MYO15A: variants seen among roughly 807,000 people sequenced by gnomAD.
MYO15A encodes the protein myosin XVA, also known as unconventional myosin-XV.
In MYO15A, 308 loss-of-function variants were observed where a neutral mutation model predicts 394.6. That is an observed-to-expected ratio of 0.78 (90% CI 0.71 to 0.86). The LOEUF (loss-of-function observed/expected upper bound fraction) is 0.86, where lower values mean the gene tolerates loss of function less well. Ranked by LOEUF, MYO15A falls within the 40% of genes least tolerant of loss-of-function variation. MYO15A has a pLI of 0.00. For missense variants in MYO15A, 4,606 were observed against 4,799.1 expected (o/e 0.96, Z 1.19); for synonymous variants, 1,957 against 2,003.8 (o/e 0.98, Z 0.62).
chr17:18,160,636 A>G (rs1015278143), intron 56 of MYO15A: 1 of 194,758 alleles, frequency 5.1e-6, no homozygotes, highest in Non-Finnish European at 1.1e-5. Flanking sequence ...CGGTGTTCAC[A>G]TTGACCAAAC....
chr17:18,150,467 A>AG lies in MYO15A; in HGVS notation c.7256dup (p.Gly2420ArgfsTer9). The AG allele has an allele frequency of 6.2e-7, 1 of 1,614,146 alleles. No individual in the cohort carries two copies. Among genetic ancestry groups the AG allele is most frequent in the South Asian group, 1.1e-5 (1 of 91,078 alleles). On this transcript the variant is annotated frameshift_variant, in exon 36 of 66. Coordinates refer to ENST00000647165, the MANE Select transcript of MYO15A (RefSeq NM_016239.4). LOFTEE classifies it high-confidence loss of function. This position sits in a 1 kb window ranked among gnomAD's most constrained non-coding sequence, Gnocchi z 4.4. ...CAACAGCCATTGCCTACCGCATGAAAGGGGGAGGCCAGCCCGGTGGAGGCA... is the reference window on the plus strand; with the variant it reads ...CAACAGCCATTGCCTACCGCATGAAAGGGGGGAGGCCAGCCCGGTGGAGGCA...
intron 28 of MYO15A, 132 bp downstream of exon 28, chr17:18,144,132 A>G (rs1037420104): frequency 2.1e-6 from 3 of 1,423,014 alleles, no homozygotes; most frequent in Admixed American, 3.9e-5. Context: ...TAGTTGCTGG[A>G]TCATAGGGAA....
Position 18,120,773 on chromosome 17 carries a change from G to A in MYO15A, c.1973G>A (p.Ser658Asn), listed in dbSNP as rs1250798445. ...GCGCCCAGGACCCTCTCCCACTGGA[G>A]CGCGCTCCTGTCTCCGCCCGTGCCC... ...QPAPRTLSHW[S>N]ALLSPPVPPR... Residue 658 changes from serine (S) to asparagine (N), a missense_variant, in exon 2 of 66, where the codon AGC becomes AAC. Physicochemically the swap from Ser to Asn is conservative, Grantham distance 46. Coordinates refer to ENST00000647165, the MANE Select transcript of MYO15A (RefSeq NM_016239.4). The A allele has an allele frequency of 3.5e-6, 5 of 1,426,536 alleles. No homozygotes were observed. Among genetic ancestry groups the A allele is most frequent in the African/African-American group, 3.1e-5 (2 of 65,352 alleles). The allele number at this position is 1,426,536 out of a possible 1,614,324, so 88.4% of individuals were successfully genotyped here.
At chr17:18,166,678 G>C (rs950635224) in intron 61 of MYO15A, among the ~76,000 whole-genome samples, 157 bp downstream of exon 61, 7 of 152,174 alleles carry the variant, frequency 4.6e-5, no homozygotes, top group African/African-American at 1.7e-4. Context: ...GGTCTCTTTG[G>C]AGAAATCGAA....
rs773729617 is a variant in MYO15A at position 18,119,288 on chromosome 17, C to T, written c.488C>T (p.Ser163Leu). ...QATVDAWLQR[S>L]SSRMGSRKLP... ...ACAGTGGACGCCTGGCTGCAGCGCT[C>T]GAGCTCCCGCATGGGCTCCCGCAAA... is the stretch of plus-strand genomic sequence containing the variant. Residue 163 changes from serine to leucine, a missense_variant, in exon 2 of 66, where the codon TCG (serine) becomes TTG (leucine). Physicochemically the swap from Ser to Leu is moderately radical, Grantham distance 145. Around this residue, in one of 2 missense-constraint regions of MYO15A, gnomAD observed 1,830 missense variants for 1,689.7 expected, o/e 1.08. Coordinates refer to ENST00000647165, the MANE Select transcript of MYO15A (RefSeq NM_016239.4). The T allele has an allele frequency of 6.2e-7, 1 of 1,611,726 alleles. No individual in the cohort carries two copies. The highest frequency in any genetic ancestry group is 1.7e-5 in the Admixed American group (1 of 60,016).
intron 4 of MYO15A, among the ~76,000 whole-genome samples, chr17:18,125,885 G>T (rs554878347): frequency 6.6e-6 from 1 of 152,224 alleles, no homozygotes; most frequent in South Asian, 2.1e-4. Context: ...AGGGGTCAGA[G>T]GGGAGCCTCT....
chr17:18,160,737 G>T (rs1413882945), intron 56 of MYO15A: 1 of 207,130 alleles, frequency 4.8e-6, no homozygotes, highest in African/African-American at 2.3e-5. Context: ...CCAGACACCA[G>T]ATATCCCTAC....
rs1250303762 is a variant in MYO15A at position 18,172,247 on chromosome 17, C to T, written c.10307C>T (p.Ala3436Val). The T allele has an allele frequency of 6.2e-7, 1 of 1,614,236 alleles. No individual in the cohort carries two copies. The highest frequency in any genetic ancestry group is 8.5e-7 in the Non-Finnish European group (1 of 1,180,046). ...GCTGTGCCAGCCCCTTGCATCCTTG[C>T]CATCAACCACAATGGCCTCAACTTT... ...NIAVPAPCIL[A>V]INHNGLNFLS... Residue 3436 changes from alanine (A) to valine (V), a missense_variant, in exon 64 of 66, where the codon GCC (alanine) becomes GTC (valine). By Grantham distance (64) the Ala-to-Val change is moderately conservative. Transcript: ENST00000647165.
chr17:18,115,444 C>A (rs1305268445), intron 1 of MYO15A, among the ~76,000 whole-genome samples: 3 of 152,132 alleles, frequency 2.0e-5, no homozygotes, highest in Non-Finnish European at 1.5e-5. Flanking sequence ...CATGGTGAAA[C>A]CCTGTCTCTA....
At chr17:18,122,436 G>T (rs560099324) in intron 2 of MYO15A, 27 bp downstream of exon 2, 2 of 1,604,358 alleles carry the variant, frequency 1.2e-6, no homozygotes, top group African/African-American at 2.7e-5. Flanking sequence ...TACACGGAGG[G>T]TTTGAGGGTT....
Position 18,151,496 on chromosome 17 carries a change from C to G in MYO15A, c.7756C>G (p.Pro2586Ala). ...GAATATTGTCAGGCAGTACCAGCAGCCGTTCCGGGGAGGCCGGCCTGAGGC... is the reference window on the plus strand; with the variant it reads ...GAATATTGTCAGGCAGTACCAGCAGGCGTTCCGGGGAGGCCGGCCTGAGGC... Reference protein sequence around the residue: ...IKNIVRQYQQPFRGGRPEALR... With the variant: ...IKNIVRQYQQAFRGGRPEALR... Residue 2586 changes from proline (P) to alanine (A), a missense_variant, in exon 40 of 66, where the codon CCG becomes GCG. This residue lies in a region of MYO15A where 2,776 missense variants were observed against 3,109.3 expected (regional missense o/e 0.89). Transcript: ENST00000647165. 1.2e-6 allele frequency: 2 copies of G among 1,614,210 alleles called. No individual in the cohort carries two copies. Among genetic ancestry groups the G allele is most frequent in the Non-Finnish European group, 1.7e-6 (2 of 1,180,042 alleles).
rs1453976133 is a variant in MYO15A at position 18,118,961 on chromosome 17, G to T, written c.161G>T (p.Arg54Leu). 1.2e-6 allele frequency: 2 copies of T among 1,613,254 alleles called. No homozygotes were observed. The part of the protein sequence containing the change: ...TPKISKKGQF[R>L]SASAFFWGLH... ...AAGATCTCCAAGAAGGGCCAGTTCC[G>T]CAGCGCCTCGGCCTTCTTCTGGGGC... The change falls in exon 2 of 66, where the codon CGC becomes CTC. Residue 54 changes from arginine to leucine, a missense_variant. Transcript: ENST00000647165.
At chr17:18,158,266 AC>A (rs1411977176) in intron 51 of MYO15A, 2 of 590,908 alleles carry the variant, frequency 3.4e-6, no homozygotes, top group African/African-American at 1.9e-5. Context: ...GTCAGCTGTG[AC>A]GTGGCAGTTG....
In MYO15A at chr17:18,126,870, G is replaced by A. The variant is rs761976268; in HGVS notation, c.3941+5G>A. On this transcript the variant is annotated splice_donor_5th_base_variant and intron_variant, in intron 6 of 65. Transcript: ENST00000647165. Reference sequence around the variant, plus strand: ...GAACCAGTGCATAATCATTAGGTGAGTGGGCTGCCTTTATGTGGGGGATAA... The same window carrying A: ...GAACCAGTGCATAATCATTAGGTGAATGGGCTGCCTTTATGTGGGGGATAA... The A allele has an allele frequency of 6.2e-7, 1 of 1,614,092 alleles. No homozygotes were observed. Among genetic ancestry groups the A allele is most frequent in the Non-Finnish European group, 8.5e-7 (1 of 1,180,018 alleles).
chr17:18,144,118 C>T, intron 28 of MYO15A, 118 bp downstream of exon 28: 1 of 1,483,488 alleles, frequency 6.7e-7, no homozygotes, highest in Admixed American at 1.9e-5. Flanking sequence ...GGGTATGAGC[C>T]TTTTAGTTGC....
chr17:18,179,117 T>TGCAGTGGA lies in MYO15A; in HGVS notation c.*252_*259dup. On this transcript the variant is annotated 3_prime_UTR_variant, in exon 66 of 66. Transcript: ENST00000647165. ...GAACTTTCAAAAGTCTGGCCCACTG[T>TGCAGTGGA]GCAGTGGAGCAGAAGGCAGGACCAT... The TGCAGTGGA allele has an allele frequency of 1.7e-6, 1 of 585,604 alleles. No homozygotes were observed. Among genetic ancestry groups the TGCAGTGGA allele is most frequent in the South Asian group, 1.9e-5 (1 of 51,398 alleles). The allele number at this position is 585,604 out of a possible 1,614,324, so 36.3% of individuals were successfully genotyped here. A position where few individuals can be genotyped will look rare whatever the true frequency, so the allele number is the denominator to read the frequency against.
intron 2 of MYO15A, chr17:18,123,712 TC>T (rs1427438326): frequency 6.5e-6 from 1 of 154,096 alleles, no homozygotes; most frequent in Non-Finnish European, 1.4e-5. Context: ...AGATGTGGCA[TC>T]CCTGGGGGTC....
chr17:18,120,842 C>A lies in MYO15A; in HGVS notation c.2042C>A (p.Ser681Tyr), dbSNP rs938528364. 8.4e-7 allele frequency: 1 copy of A among 1,190,438 alleles called. No individual in the cohort carries two copies. Among genetic ancestry groups the A allele is most frequent in the Non-Finnish European group, 1.0e-6 (1 of 959,602 alleles). The allele number at this position is 1,190,438 out of a possible 1,614,324, so 73.7% of individuals were successfully genotyped here. A position where few individuals can be genotyped will look rare whatever the true frequency, so the allele number is the denominator to read the frequency against. The change falls in exon 2 of 66, where the codon TCC becomes TAC. Residue 681 changes from serine to tyrosine, a missense_variant. By Grantham distance (144) the Ser-to-Tyr change is moderately radical (BLOSUM62 -2). This residue lies in a region of MYO15A where 1,830 missense variants were observed against 1,689.7 expected (regional missense o/e 1.08). Transcript: ENST00000647165. ...SSGPPPAPPLSPALSGLPRPA... is the reference protein window; with the variant it reads ...SSGPPPAPPLYPALSGLPRPA... ...GGGCCCCCGCCCGCGCCGCCGCTCTCCCCGGCGCTCTCGGGCCTGCCCCGG... is the reference window on the plus strand; with the variant it reads ...GGGCCCCCGCCCGCGCCGCCGCTCTACCCGGCGCTCTCGGGCCTGCCCCGG...
chr17:18,148,304 C>A lies in MYO15A; in HGVS notation c.6691+94C>A. The A allele has an allele frequency of 6.5e-7, 1 of 1,548,006 alleles. No individual in the cohort carries two copies. Reference sequence around the variant, plus strand: ...GCAGAAGCCACTGGATGTTCTGGAGCTGGGGAGGGGCCTTCTCAGATGTGG... The same window carrying A: ...GCAGAAGCCACTGGATGTTCTGGAGATGGGGAGGGGCCTTCTCAGATGTGG... On this transcript the variant is annotated intron_variant, in intron 31 of 65. Coordinates refer to ENST00000647165, the MANE Select transcript of MYO15A (RefSeq NM_016239.4). This position sits in a 1 kb window ranked among gnomAD's most constrained non-coding sequence, Gnocchi z 4.8.
Sources: allele counts gnomAD v4.1 joint callset (sites outside exome capture counted in the v4.1 genomes callset), GRCh38; gene constraint gnomAD v4.1.1; regional missense constraint gnomAD v4.1.1; non-coding constraint Gnocchi (gnomAD v3.1); transcripts MANE v1.5; gene names NCBI Gene and HGNC (gene_info 2026-07-23, HGNC 2026-07-21).